XPO7: variants seen among roughly 807,000 people sequenced by gnomAD.
XPO7 encodes the protein exportin 7.
Under a neutral mutation model 144.3 loss-of-function variants are expected in XPO7, and 21 were observed. The ratio of observed to expected loss-of-function variants is 0.15; its 90% CI spans 0.10 to 0.21. XPO7 has a LOEUF of 0.21. Ranked by LOEUF, XPO7 falls within the 10% of genes least tolerant of loss-of-function variation. XPO7 has a pLI of 1.00. For missense variants in XPO7, 808 were observed against 1,325.8 expected, an observed-to-expected ratio of 0.61 and a Z score of 6.06; for synonymous variants, 580 against 499.6, an observed-to-expected ratio of 1.16 and a Z score of -2.15.
chr8:21,921,757 C>G (rs1042589388), intron 1 of XPO7: 5 of 152,184 alleles, frequency 3.3e-5, no homozygotes, highest in Non-Finnish European at 7.4e-5. Context: ...CCTTTATTTA[C>G]TTTTAAGAGC....
intron 1 of XPO7, among the ~76,000 whole-genome samples, chr8:21,959,510 A>T (rs1042200140): frequency 6.6e-6 from 1 of 152,190 alleles, no homozygotes; most frequent in African/African-American, 2.4e-5. Context: ...ATTACTCTGT[A>T]CTGAATCAAC....
At chr8:21,968,582 G>A (rs1248346199) in intron 2 of XPO7, among the ~76,000 whole-genome samples, 2 of 152,208 alleles carry the variant, frequency 1.3e-5, no homozygotes, top group East Asian at 1.9e-4. Flanking sequence ...TCCTGCTGGA[G>A]TGACAGTACA....
intron 17 of XPO7, 75 bp downstream of exon 17, chr8:21,990,482 T>C (rs752693357): frequency 4.1e-5 from 63 of 1,537,546 alleles, no homozygotes; most frequent in East Asian, 1.1e-4. Context: ...AAAGGAGATA[T>C]GTAAACTGAG....
At chr8:21,966,412 A>G in intron 1 of XPO7, 1 of 701,422 alleles carries the variant, frequency 1.4e-6, no homozygotes, top group Non-Finnish European at 2.6e-6. Flanking sequence ...TACTACTCAA[A>G]GGAATATTTA....
intron 1 of XPO7, among the ~76,000 whole-genome samples, chr8:21,959,382 G>C (rs1447961183): frequency 6.6e-6 from 1 of 152,198 alleles, no homozygotes; most frequent in East Asian, 1.9e-4. Flanking sequence ...ACCTTGTAAA[G>C]TGGGTGTTAT....
intron 19 of XPO7, 69 bp from the exon 20 acceptor site, chr8:21,994,294 G>T: frequency 8.6e-7 from 1 of 1,164,050 alleles, no homozygotes; most frequent in South Asian, 1.3e-5. Flanking sequence ...TACATGTGTG[G>T]AATCCTCATC....
intron 19 of XPO7, 144 bp from the exon 20 acceptor site, chr8:21,994,219 A>G (rs2117389440): frequency 3.7e-6 from 2 of 547,296 alleles, no homozygotes; most frequent in East Asian, 6.5e-5. Context: ...TCTAGCATAG[A>G]AGATATTGAA....
At chr8:21,938,004 G>T (rs1810875582) in intron 1 of XPO7, among the ~76,000 whole-genome samples, 1 of 151,762 alleles carries the variant, frequency 6.6e-6, no homozygotes, top group South Asian at 2.1e-4. Context: ...CAAACTTTCT[G>T]CATATATAAC....
intron 1 of XPO7, among the ~76,000 whole-genome samples, chr8:21,957,750 A>T (rs1461612488): frequency 6.6e-6 from 1 of 152,172 alleles, no homozygotes; most frequent in Non-Finnish European, 1.5e-5. Flanking sequence ...ACACTCTTGT[A>T]CTTTGCATTT....
chr8:21,995,456 G>A lies in XPO7; in HGVS notation c.2238-36G>A, dbSNP rs1351313486. On this transcript the variant is annotated intron_variant, in intron 20 of 27. Transcript: ENST00000252512. ...ACTATTTTAAATTCTGTACCTTTCT[G>A]GAATCAGAAATCTTTCCTTAGCTTC... 3 of 1,544,588 alleles carry A rather than the reference G, an allele frequency of 1.9e-6. No homozygotes were observed. The African/African-American group carries it at 4.1e-5, about 21-fold the overall frequency.
chr8:21,990,549 T>A, intron 17 of XPO7, 142 bp downstream of exon 17: 1 of 966,548 alleles, frequency 1.0e-6, no homozygotes, highest in Admixed American at 2.1e-5. Context: ...TACTGCCAGA[T>A]TATACTTACG....
chr8:22,000,476 A>G, intron 24 of XPO7, among the ~76,000 whole-genome samples: 1 of 126,116 alleles, frequency 7.9e-6, no homozygotes, highest in Non-Finnish European at 1.6e-5. Flanking sequence ...TTTTTTTGAG[A>G]CGGAGTCGCT....
chr8:21,926,482 A>G (rs922736504), intron 1 of XPO7, among the ~76,000 whole-genome samples: 2 of 152,138 alleles, frequency 1.3e-5, no homozygotes, highest in African/African-American at 4.8e-5. Flanking sequence ...GATTTTTTCC[A>G]ATTCTATTTA....
chr8:21,982,871 A>G (rs1485716982), intron 11 of XPO7, 59 bp downstream of exon 11: 5 of 1,525,576 alleles, frequency 3.3e-6, no homozygotes, highest in Non-Finnish European at 4.4e-6. Context: ...CACTTCCTAG[A>G]GATCAGACAC....
chr8:21,964,320 G>A (rs1423280036), intron 1 of XPO7: 1 of 152,152 alleles, frequency 6.6e-6, no homozygotes, highest in East Asian at 1.9e-4. Context: ...CAAGGAGAGT[G>A]CTGTGGTGTG....
chr8:21,958,980 A>T (rs1438215444), intron 1 of XPO7, among the ~76,000 whole-genome samples: 2 of 144,434 alleles, frequency 1.4e-5, no homozygotes, highest in African/African-American at 5.2e-5. Context: ...AAAAAAAAAG[A>T]GGCAAAGCAT....
intron 2 of XPO7, among the ~76,000 whole-genome samples, chr8:21,968,346 A>C (rs1157465412): frequency 6.6e-6 from 1 of 152,252 alleles, no homozygotes; most frequent in African/African-American, 2.4e-5. Flanking sequence ...TTTATACAGT[A>C]AATAGAACAA....
intron 24 of XPO7, among the ~76,000 whole-genome samples, chr8:22,000,390 GTT>G (rs1440671365): frequency 6.6e-6 from 1 of 151,474 alleles, no homozygotes; most frequent in African/African-American, 2.4e-5. Flanking sequence ...AGCTCCATAA[GTT>G]TTTTCATCCT....
chr8:21,990,337 T>C lies in XPO7; in HGVS notation c.1869-7T>C. The C allele has an allele frequency of 6.2e-7, 1 of 1,613,186 alleles. No individual in the cohort carries two copies. The highest frequency in any genetic ancestry group is 8.5e-7 in the Non-Finnish European group (1 of 1,179,192). The stretch of plus-strand genomic sequence containing the variant: ...CACTTTCCTTGACCTTCTTCCTTTG[T>C]CTTCACGTACAGTAGCGTAAGGAAG... On this transcript the variant is annotated splice_polypyrimidine_tract_variant and splice_region_variant and intron_variant, in intron 16 of 27. Transcript: ENST00000252512.
Sources: gnomAD v4.1 joint callset for allele counts (sites outside exome capture counted in the v4.1 genomes callset) on GRCh38, gnomAD v4.1.1 for gene constraint, MANE v1.5 for transcripts, NCBI Gene and HGNC (gene_info 2026-07-23, HGNC 2026-07-21) for gene names.